Variants in CWH43 observed in about 807,000 individuals in gnomAD.
CWH43 encodes PGAP2-interacting protein.
CWH43 carries 91 observed loss-of-function variants against 85.7 expected under a neutral mutation model. The observed-to-expected ratio is 1.06, with a 90% CI of 0.90 to 1.26. The LOEUF is 1.26. CWH43 is among the 50% of genes most tolerant of loss of function. The pLI, the probability that CWH43 is intolerant of heterozygous loss-of-function variation, is 0.00. For missense variants in CWH43, 869 were observed against 839.2 expected (o/e 1.04, Z -0.44); for synonymous variants, 323 against 293.6 (o/e 1.10, Z -1.02).
At chr4:49,043,899 A>G (rs1170074737) in intron 13 of CWH43, among the ~76,000 whole-genome samples, 1 of 152,018 alleles carries the variant, frequency 6.6e-6, no homozygotes, top group African/African-American at 2.4e-5. Context: ...TGTGTGTATT[A>G]TAAACAACAA....
At chr4:48,988,379 A>T in intron 1 of CWH43, 98 bp from the exon 2 acceptor site, 1 of 888,162 alleles carries the variant, frequency 1.1e-6, no homozygotes, top group Non-Finnish European at 1.7e-6. Flanking sequence ...CATGAAGAAG[A>T]ATGACCAGCC....
chr4:48,987,364 G>GT lies in CWH43; in HGVS notation c.43+893dup, dbSNP rs377664138. Among the ~76,000 whole-genome samples, 593 of 152,260 alleles carry GT rather than the reference G, an allele frequency of 3.9e-3. 9 individuals are homozygous for GT. Among genetic ancestry groups the GT allele is most frequent in the African/African-American group, 0.014 (577 of 41,538 alleles). On this transcript the variant is annotated intron_variant, in intron 1 of 15. Coordinates refer to ENST00000226432, the MANE Select transcript of CWH43 (RefSeq NM_025087.3). Reference sequence around the variant, plus strand: ...CAACAACACTGTGAAGGGGTTGAAAGTCCTATTTTGCTGATTAAGAAGGGG... The same window carrying GT: ...CAACAACACTGTGAAGGGGTTGAAAGTTCCTATTTTGCTGATTAAGAAGGGG...
chr4:49,013,242 C>G (rs1783425141), intron 8 of CWH43, among the ~76,000 whole-genome samples: 1 of 152,264 alleles, frequency 6.6e-6, no homozygotes, highest in Non-Finnish European at 1.5e-5. Context: ...GGAGGTTGAT[C>G]TCAGACTGCT....
chr4:49,018,312 C>T (rs556615746), intron 9 of CWH43, among the ~76,000 whole-genome samples: 72 of 152,128 alleles, frequency 4.7e-4, no homozygotes, highest in African/African-American at 1.6e-3. Flanking sequence ...ACCCCCAGGC[C>T]CCAACTCCAA....
At chr4:49,019,014 A>G (rs1258064425) in intron 9 of CWH43, among the ~76,000 whole-genome samples, 2 of 152,194 alleles carry the variant, frequency 1.3e-5, no homozygotes, top group Non-Finnish European at 2.9e-5. Context: ...GGAAGGAGTT[A>G]TTTGAATTGG....
At chr4:49,016,015 GT>G (rs955224146) in intron 8 of CWH43, among the ~76,000 whole-genome samples, 5 of 152,022 alleles carry the variant, frequency 3.3e-5, no homozygotes, top group African/African-American at 9.6e-5. Context: ...TCTGCAGGGT[GT>G]TTTTTTCTTT....
chr4:49,030,200 A>G (rs1784050729), intron 10 of CWH43, among the ~76,000 whole-genome samples: 1 of 152,238 alleles, frequency 6.6e-6, no homozygotes, highest in Non-Finnish European at 1.5e-5. Context: ...TGTGTGAAGC[A>G]TCTTTGAAAT....
chr4:49,039,332 T>TATATATATATATATATATATATATATAC (rs1228183888), intron 13 of CWH43, among the ~76,000 whole-genome samples: 17 of 48,500 alleles, frequency 3.5e-4, no homozygotes, highest in African/African-American at 1.1e-3. Flanking sequence ...TATATATATA[T>TATATATATATATATATATATATATATAC]ACTGATGTAT....
chr4:49,027,172 T>A (rs1783942262), intron 9 of CWH43, among the ~76,000 whole-genome samples: 1 of 152,218 alleles, frequency 6.6e-6, no homozygotes, highest in African/African-American at 2.4e-5. Flanking sequence ...CATAGAGAGA[T>A]GATGGTGATC....
At chr4:49,026,253 C>T (rs1398790438) in intron 9 of CWH43, among the ~76,000 whole-genome samples, 5 of 152,164 alleles carry the variant, frequency 3.3e-5, no homozygotes, top group Admixed American at 1.3e-4. Context: ...GTGAGCAGGG[C>T]TAGGAACTTG....
chr4:49,005,157 G>A (rs1202979021), intron 7 of CWH43, among the ~76,000 whole-genome samples: 1 of 152,104 alleles, frequency 6.6e-6, no homozygotes, highest in Non-Finnish European at 1.5e-5. Flanking sequence ...AAATGATCAT[G>A]TACCTTATGT....
At chr4:49,018,498 A>G (rs1783633870) in intron 9 of CWH43, among the ~76,000 whole-genome samples, 2 of 152,248 alleles carry the variant, frequency 1.3e-5, no homozygotes, top group South Asian at 2.1e-4. Flanking sequence ...GATTTTGCAC[A>G]TTATGGGTAG....
At chr4:49,037,186 G>T (rs1346400261) in intron 12 of CWH43, among the ~76,000 whole-genome samples, 1 of 152,214 alleles carries the variant, frequency 6.6e-6, no homozygotes, top group East Asian at 1.9e-4. Context: ...ACCCACCTAA[G>T]TATCTCAGTT....
intron 10 of CWH43, 71 bp downstream of exon 10, chr4:49,028,805 T>C (rs1577687454): frequency 9.8e-7 from 1 of 1,019,514 alleles, no homozygotes; most frequent in Non-Finnish European, 1.5e-6. Flanking sequence ...AGCAGGGTCA[T>C]AAGCCATAAC....
At chr4:49,060,738 A>G (rs1302923698) in intron 15 of CWH43, among the ~76,000 whole-genome samples, 2 of 152,168 alleles carry the variant, frequency 1.3e-5, no homozygotes, top group East Asian at 3.8e-4. Context: ...GCTCTTGTGA[A>G]GATATTTTTG....
At chr4:49,003,681 C>T in intron 6 of CWH43, 54 bp from the exon 7 acceptor site, 3 of 1,593,376 alleles carry the variant, frequency 1.9e-6, no homozygotes, top group Admixed American at 1.7e-5. Context: ...ATAAATTGGT[C>T]ATCCTCTAAG....
chr4:49,012,216 A>G (rs1783387689), intron 8 of CWH43, among the ~76,000 whole-genome samples: 1 of 151,948 alleles, frequency 6.6e-6, no homozygotes, highest in African/African-American at 2.4e-5. Flanking sequence ...ACTTTATTTC[A>G]TTAATTTGAT....
In CWH43 at chr4:48,986,427, G is replaced by T. The variant is rs752211666; in HGVS notation, c.-3G>T. 8.5e-5 allele frequency: 131 copies of T among 1,546,030 alleles called. No individual in the cohort carries two copies. The highest frequency in any genetic ancestry group is 1.1e-4 in the Non-Finnish European group (125 of 1,141,560). ...CTGGAAAGCGCTGCCCCTCGCCGCG[G>T]CGATGCCCTCGCTGTGGAGAGAAAT... On this transcript the variant is annotated 5_prime_UTR_variant, in exon 1 of 16. Transcript: ENST00000226432.
chr4:49,058,642 A>G (rs1035754252), intron 15 of CWH43, among the ~76,000 whole-genome samples: 14 of 152,302 alleles, frequency 9.2e-5, no homozygotes, highest in South Asian at 4.1e-4. Flanking sequence ...ATTTCTCATA[A>G]AGTGCATCTA....
Sources: allele counts gnomAD v4.1 joint callset (sites outside exome capture counted in the v4.1 genomes callset), GRCh38; gene constraint gnomAD v4.1.1; transcripts MANE v1.5; gene names NCBI Gene and HGNC (gene_info 2026-07-23, HGNC 2026-07-21).